Variants in RGS7 observed in about 807,000 individuals in gnomAD.
The protein encoded by RGS7 is regulator of G-protein signaling 7.
Under a neutral mutation model 81.1 loss-of-function variants are expected in RGS7, and 27 were observed. The observed-to-expected ratio is 0.33, with a 90% CI of 0.25 to 0.46. The LOEUF (loss-of-function observed/expected upper bound fraction) is 0.46. Ranked by LOEUF, RGS7 falls within the 20% of genes least tolerant of loss-of-function variation. The pLI is 1.00. For missense variants in RGS7, 396 were observed against 607.4 expected (o/e 0.65, Z 3.66); for synonymous variants, 208 against 207.7 (o/e 1.00, Z -0.01).
At chr1:241,190,082 G>C (rs529992689) in intron 2 of RGS7, among the ~76,000 whole-genome samples, 1 of 150,922 alleles carries the variant, frequency 6.6e-6, no homozygotes, top group Non-Finnish European at 1.5e-5. Flanking sequence ...CAGCCTGGGC[G>C]ACAGAGCAGA....
At chr1:241,286,559 C>G (rs1398864261) in intron 2 of RGS7, among the ~76,000 whole-genome samples, 1 of 152,182 alleles carries the variant, frequency 6.6e-6, no homozygotes, top group Non-Finnish European at 1.5e-5. Flanking sequence ...AACTATCTGC[C>G]TGTTCCATAA....
At chr1:241,030,373 T>TATATATATATATATACACACACAC (rs374223475) in intron 3 of RGS7, among the ~76,000 whole-genome samples, 10 of 135,238 alleles carry the variant, frequency 7.4e-5, no homozygotes, top group African/African-American at 2.5e-4. Context: ...TATATATATA[T>TATATATATATATATACACACACAC]ACATACACAC....
At chr1:240,936,907 TCTC>T (rs1676726700) in intron 4 of RGS7, among the ~76,000 whole-genome samples, 1 of 152,116 alleles carries the variant, frequency 6.6e-6, no homozygotes, top group East Asian at 1.9e-4. Flanking sequence ...GTAAACAACT[TCTC>T]CTACCAGTCC....
chr1:240,928,782 T>C (rs909237567), intron 6 of RGS7, among the ~76,000 whole-genome samples: 1 of 151,850 alleles, frequency 6.6e-6, no homozygotes, highest in East Asian at 1.9e-4. Context: ...GGCTAATTTT[T>C]GTATTTTTAG....
chr1:241,224,338 C>G (rs895711360), intron 2 of RGS7, among the ~76,000 whole-genome samples: 1 of 142,474 alleles, frequency 7.0e-6, no homozygotes, highest in African/African-American at 2.6e-5. Flanking sequence ...TGGGTGAGAA[C>G]ATGTAGTGTT....
At chr1:241,042,176 A>T (rs2060658491) in intron 3 of RGS7, among the ~76,000 whole-genome samples, 1 of 152,194 alleles carries the variant, frequency 6.6e-6, no homozygotes, top group African/African-American at 2.4e-5. Flanking sequence ...CGCTGTACAT[A>T]TGTATCATCT....
At chr1:241,175,399 G>A (rs2071057107) in intron 2 of RGS7, among the ~76,000 whole-genome samples, 1 of 152,152 alleles carries the variant, frequency 6.6e-6, no homozygotes, top group Non-Finnish European at 1.5e-5. Context: ...GACTTGTCTG[G>A]TTCTCTGAGT....
intron 9 of RGS7, among the ~76,000 whole-genome samples, chr1:240,842,410 T>G (rs569640846): frequency 4.6e-5 from 7 of 151,730 alleles, no homozygotes; most frequent in Non-Finnish European, 8.8e-5. Context: ...CAGGTTGGTC[T>G]CAAACTCCTG....
chr1:240,904,980 G>C (rs796550132), intron 6 of RGS7, among the ~76,000 whole-genome samples: 7 of 152,180 alleles, frequency 4.6e-5, no homozygotes, highest in African/African-American at 1.7e-4. Flanking sequence ...ACTTTTGCCA[G>C]TTCAGGGTAC....
chr1:241,105,678 A>G (rs1558725873), intron 2 of RGS7, among the ~76,000 whole-genome samples: 1 of 152,196 alleles, frequency 6.6e-6, no homozygotes, highest in Non-Finnish European at 1.5e-5. Context: ...CTTTACCACA[A>G]TATCATTATT....
chr1:241,346,494 C>T (rs1051659257), intron 2 of RGS7, among the ~76,000 whole-genome samples: 35 of 152,328 alleles, frequency 2.3e-4, no homozygotes, highest in Admixed American at 1.2e-3. Context: ...AGAGTAGGGA[C>T]TTTGGACCAG....
chr1:240,859,018 G>A, intron 9 of RGS7, among the ~76,000 whole-genome samples: 1 of 152,154 alleles, frequency 6.6e-6, no homozygotes, highest in East Asian at 1.9e-4. Context: ...GAGTTAGGAG[G>A]TAGCCACTCT....
chr1:240,902,483 T>A lies in RGS7; in HGVS notation c.385+28234A>T, dbSNP rs533224192. On this transcript the variant is annotated intron_variant, in intron 6 of 18. Coordinates refer to ENST00000440928, the MANE Select transcript of RGS7 (RefSeq NM_001364886.1). ...ACAGGGAAATTTTAGGACATGATTA[T>A]ATGCATGAGCCCTGGGTCACATTTT... 6.6e-5 allele frequency among the ~76,000 whole-genome samples: 10 copies of A among 152,326 alleles called. No individual in the cohort carries two copies. The East Asian group carries it at 1.9e-3, about 29-fold the overall frequency.
At chr1:241,198,964 AAAAGATAATATACAACCAAACAGCCT>A (rs1267690809) in intron 2 of RGS7, among the ~76,000 whole-genome samples, 1 of 152,138 alleles carries the variant, frequency 6.6e-6, no homozygotes. Flanking sequence ...TAATATAGAA[AAAAGATAATATACAACCAAACAGCCT>A]AGTTCGGTTT....
chr1:240,812,110 T>C, intron 13 of RGS7, 67 bp from the exon 14 acceptor site: 1 of 1,573,474 alleles, frequency 6.4e-7, no homozygotes, highest in South Asian at 1.1e-5. Context: ...TGTTATTACA[T>C]TCCCCTTCAA....
intron 2 of RGS7, among the ~76,000 whole-genome samples, chr1:241,169,775 A>T (rs2070588654): frequency 6.6e-6 from 1 of 152,198 alleles, no homozygotes; most frequent in East Asian, 1.9e-4. Flanking sequence ...GAAGAAATTC[A>T]ATTGTGTTTC....
At chr1:240,884,317 T>C (rs1014292721) in intron 6 of RGS7, among the ~76,000 whole-genome samples, 3 of 152,154 alleles carry the variant, frequency 2.0e-5, no homozygotes, top group Non-Finnish European at 4.4e-5. Flanking sequence ...GGTTGATCCA[T>C]TGACAAAAAA....
chr1:241,190,516 A>G (rs1008420603), intron 2 of RGS7, among the ~76,000 whole-genome samples: 3 of 152,188 alleles, frequency 2.0e-5, no homozygotes, highest in Admixed American at 1.3e-4. Context: ...TGTAGTTTTC[A>G]GCACACAAGC....
intron 2 of RGS7, among the ~76,000 whole-genome samples, chr1:241,152,230 T>C (rs569758418): frequency 4.6e-5 from 7 of 151,672 alleles, no homozygotes; most frequent in Admixed American, 4.6e-4. Context: ...GTATGTTTGA[T>C]ACTCTTAACT....
Sources: gnomAD v4.1 joint callset for allele counts (sites outside exome capture counted in the v4.1 genomes callset) on GRCh38, gnomAD v4.1.1 for gene constraint, MANE v1.5 for transcripts, NCBI Gene and HGNC (gene_info 2026-07-23, HGNC 2026-07-21) for gene names.